RBM20: variants seen among roughly 807,000 people sequenced by gnomAD.
RBM20 encodes RNA binding motif protein 20.
In RBM20, 51 loss-of-function variants were observed where a neutral mutation model predicts 110.1. The ratio of observed to expected loss-of-function variants is 0.46; its 90% CI spans 0.37 to 0.59. The LOEUF is 0.59. RBM20 is among the 20% of genes least tolerant of loss of function. RBM20 has a pLI of 0.00. For missense variants in RBM20, 1,512 were observed against 1,574.9 expected (o/e 0.96, Z 0.68); for synonymous variants, 589 against 618.2 (o/e 0.95, Z 0.70).
At chr10:110,789,429 A>T (rs1341543430) in intron 5 of RBM20, among the ~76,000 whole-genome samples, 5 of 142,452 alleles carry the variant, frequency 3.5e-5, no homozygotes, top group African/African-American at 5.2e-5. Context: ...TTTTTTTCTC[A>T]TTTTCTTTTC....
At chr10:110,762,044 T>TA (rs1395849967) in intron 1 of RBM20, among the ~76,000 whole-genome samples, 1 of 152,224 alleles carries the variant, frequency 6.6e-6, no homozygotes, top group African/African-American at 2.4e-5. Flanking sequence ...CCGTCCCTAC[T>TA]AAAAATACAC....
intron 12 of RBM20, among the ~76,000 whole-genome samples, chr10:110,828,371 GTTACCAGC>G (rs1047689283): frequency 1.3e-5 from 2 of 152,212 alleles, no homozygotes; most frequent in African/African-American, 4.8e-5. Context: ...TCTGGGACAA[GTTACCAGC>G]TCTTGGGGTT....
chr10:110,657,674 C>T (rs1052620854), intron 1 of RBM20, among the ~76,000 whole-genome samples: 3 of 152,146 alleles, frequency 2.0e-5, no homozygotes, highest in Non-Finnish European at 4.4e-5. Flanking sequence ...TTTTACTTTG[C>T]TAAGTAGTAT....
At chr10:110,779,647 G>A (rs1844311638) in intron 1 of RBM20, among the ~76,000 whole-genome samples, 1 of 152,160 alleles carries the variant, frequency 6.6e-6, no homozygotes, top group South Asian at 2.1e-4. Flanking sequence ...ATCAACCTGT[G>A]GGATCTGACG....
chr10:110,751,146 T>C (rs567727761), intron 1 of RBM20, among the ~76,000 whole-genome samples: 2 of 152,348 alleles, frequency 1.3e-5, no homozygotes, highest in South Asian at 4.1e-4. Flanking sequence ...GTATAACCAA[T>C]GTCTCCATCA....
At chr10:110,655,664 A>G (rs118185827) in intron 1 of RBM20, among the ~76,000 whole-genome samples, 287 of 152,308 alleles carry the variant, frequency 1.9e-3, no homozygotes, top group Non-Finnish European at 2.9e-3. Flanking sequence ...TGCCAGACAT[A>G]CTTTTTGAAC....
At chr10:110,661,541 G>A (rs951077555) in intron 1 of RBM20, among the ~76,000 whole-genome samples, 5 of 152,140 alleles carry the variant, frequency 3.3e-5, no homozygotes, top group African/African-American at 9.7e-5. Flanking sequence ...AATACTATTC[G>A]GACCATCTCT....
chr10:110,692,141 C>T (rs1862594540), intron 1 of RBM20, among the ~76,000 whole-genome samples: 1 of 152,076 alleles, frequency 6.6e-6, no homozygotes, highest in Non-Finnish European at 1.5e-5. Flanking sequence ...GTCCTTATGC[C>T]AGTACCACAC....
At chr10:110,651,967 A>G (rs568425345) in intron 1 of RBM20, among the ~76,000 whole-genome samples, 14 of 152,216 alleles carry the variant, frequency 9.2e-5, no homozygotes, top group Non-Finnish European at 1.6e-4. Flanking sequence ...AAGAGAGAGA[A>G]GTCTGTGATT....
intron 7 of RBM20, among the ~76,000 whole-genome samples, chr10:110,807,472 C>A (rs549953817): frequency 1.3e-5 from 2 of 152,370 alleles, no homozygotes; most frequent in South Asian, 4.1e-4. Context: ...CTCTGCCCCT[C>A]ACTGGGGGCA....
chr10:110,782,634 T>A (rs1047768969), intron 2 of RBM20, among the ~76,000 whole-genome samples: 3 of 152,048 alleles, frequency 2.0e-5, no homozygotes, highest in African/African-American at 7.2e-5. Context: ...TGAGATGACT[T>A]ACTCAGCCCC....
At chr10:110,760,797 A>G (rs1843987810) in intron 1 of RBM20, among the ~76,000 whole-genome samples, 1 of 150,650 alleles carries the variant, frequency 6.6e-6, no homozygotes, top group South Asian at 2.1e-4. Context: ...TATGTTTATT[A>G]AAGAAAAATT....
intron 1 of RBM20, among the ~76,000 whole-genome samples, chr10:110,755,100 C>T (rs1181015338): frequency 1.3e-5 from 2 of 152,076 alleles, no homozygotes; most frequent in Non-Finnish European, 2.9e-5. Context: ...AATTTTATCC[C>T]CTTCCTACTT....
At position 110,839,266 on chromosome 10, in the gene RBM20, A is replaced by G. The variant is rs1042939638; in HGVS notation, c.*3288A>G. 6.6e-6 allele frequency: 1 copy of G among 152,186 alleles called. No homozygotes were observed. Among genetic ancestry groups the G allele is most frequent in the Non-Finnish European group, 1.5e-5 (1 of 68,018 alleles). 9.4% of individuals were successfully genotyped at this position (152,186 alleles called of 1,614,324 possible). Reference sequence around the variant, plus strand: ...GTGACCTGTTAGATAATTAGATTATACTTGAACTGGACCAGAGTTTGTTTT... The same window carrying G: ...GTGACCTGTTAGATAATTAGATTATGCTTGAACTGGACCAGAGTTTGTTTT... On this transcript the variant is annotated 3_prime_UTR_variant, in exon 14 of 14. Transcript: ENST00000369519.
rs60375640 is a variant in RBM20 at position 110,768,247 on chromosome 10, A to AAGGGAGAGGGAG, written c.192-12540_192-12529dup. Among the ~76,000 whole-genome samples, 634 of 148,984 alleles carry AAGGGAGAGGGAG rather than the reference A, an allele frequency of 4.3e-3. 6 individuals are homozygous for AAGGGAGAGGGAG. The highest frequency in any genetic ancestry group is 0.014 in the African/African-American group (584 of 40,656). On this transcript the variant is annotated intron_variant, in intron 1 of 13. Transcript: ENST00000369519. ...AAGAGGGGAGAGGGAGAGGGAGGGAAAGGGAGAGGGAGAGGGAGAGGGAGA... is the reference window on the plus strand; with the variant it reads ...AAGAGGGGAGAGGGAGAGGGAGGGAAAGGGAGAGGGAGAGGGAGAGGGAGAGGGAGAGGGAGA...
chr10:110,709,390 C>G (rs1473000175), intron 1 of RBM20, among the ~76,000 whole-genome samples: 1 of 152,088 alleles, frequency 6.6e-6, no homozygotes, highest in African/African-American at 2.4e-5. Flanking sequence ...GACAGCAGGC[C>G]ATTCTGGGAG....
intron 1 of RBM20, chr10:110,761,152 A>G (rs973373970): frequency 1.3e-5 from 2 of 152,048 alleles, no homozygotes; most frequent in African/African-American, 4.8e-5. Flanking sequence ...GCCTACAGCC[A>G]TACTACCTTG....
At chr10:110,728,528 A>C (rs1843587823) in intron 1 of RBM20, among the ~76,000 whole-genome samples, 1 of 152,088 alleles carries the variant, frequency 6.6e-6, no homozygotes, top group Non-Finnish European at 1.5e-5. Flanking sequence ...GGTCAAGGTG[A>C]GGGGGAGTGA....
chr10:110,826,688 T>C (rs1007233787), intron 12 of RBM20, among the ~76,000 whole-genome samples: 3 of 152,026 alleles, frequency 2.0e-5, no homozygotes, highest in Non-Finnish European at 4.4e-5. Context: ...GTTCAAGTGA[T>C]TCTCCTGCCT....
Sources: allele counts gnomAD v4.1 joint callset (sites outside exome capture counted in the v4.1 genomes callset), GRCh38; gene constraint gnomAD v4.1.1; transcripts MANE v1.5; gene names NCBI Gene and HGNC (gene_info 2026-07-23, HGNC 2026-07-21).